ZNF521: variants seen among roughly 807,000 people sequenced by gnomAD.
ZNF521 encodes the protein LYST-interacting protein 3.
A neutral mutation model predicts 105.5 loss-of-function variants in ZNF521; 14 were observed. The ratio of observed to expected loss-of-function variants is 0.13; its 90% CI spans 0.09 to 0.21. The LOEUF is 0.21. ZNF521 is among the 10% of genes least tolerant of loss of function. ZNF521 has a pLI of 1.00. For missense variants in ZNF521, 1,233 were observed against 1,629.7 expected (o/e 0.76, Z 4.19); for synonymous variants, 635 against 606.0 (o/e 1.05, Z -0.70).
chr18:25,338,434 A>G (rs62082272), intron 2 of ZNF521, among the ~76,000 whole-genome samples: 12,553 of 151,850 alleles, frequency 0.083, 655 homozygotes, highest in Middle Eastern at 0.17. Context: ...AAGTTTTGAG[A>G]TGGGGTCTCA....
intron 4 of ZNF521, among the ~76,000 whole-genome samples, chr18:25,218,615 G>A (rs1322995428): frequency 6.7e-6 from 1 of 150,080 alleles, no homozygotes; most frequent in Non-Finnish European, 1.5e-5. Context: ...TCCCACCACT[G>A]TACTCAAGCC....
intron 3 of ZNF521, among the ~76,000 whole-genome samples, chr18:25,233,206 TA>T (rs1382923680): frequency 6.6e-6 from 1 of 152,178 alleles, no homozygotes; most frequent in East Asian, 1.9e-4. Context: ...AGCAATGATT[TA>T]AATTGCTAAA....
chr18:25,121,334 A>C (rs2034439611), intron 5 of ZNF521, among the ~76,000 whole-genome samples: 1 of 146,738 alleles, frequency 6.8e-6, no homozygotes, highest in Admixed American at 6.9e-5. Context: ...AGCTCACTGC[A>C]ACCTCCGCCT....
intron 7 of ZNF521, among the ~76,000 whole-genome samples, chr18:25,075,462 G>A (rs541423505): frequency 1.3e-5 from 2 of 152,302 alleles, no homozygotes; most frequent in South Asian, 4.1e-4. Context: ...TCTGTCACAA[G>A]TCCTGTTGCT....
intron 5 of ZNF521, among the ~76,000 whole-genome samples, 187 bp from the exon 6 acceptor site, chr18:25,092,268 T>C (rs186898625): frequency 2.0e-5 from 3 of 152,376 alleles, no homozygotes; most frequent in African/African-American, 7.2e-5. Flanking sequence ...AGTTCTGGAA[T>C]TTAAAATCCA....
intron 5 of ZNF521, among the ~76,000 whole-genome samples, chr18:25,103,572 C>T (rs987209517): frequency 1.3e-5 from 2 of 152,134 alleles, no homozygotes; most frequent in Non-Finnish European, 2.9e-5. Flanking sequence ...ATATTCCTAA[C>T]CTACTTTTCT....
chr18:25,081,645 G>A (rs2144171170), intron 7 of ZNF521, among the ~76,000 whole-genome samples: 1 of 152,274 alleles, frequency 6.6e-6, no homozygotes, highest in East Asian at 1.9e-4. Flanking sequence ...AATTGAAAAT[G>A]CATTTACTCA....
At chr18:25,276,605 T>C (rs1184862527) in intron 3 of ZNF521, among the ~76,000 whole-genome samples, 1 of 152,154 alleles carries the variant, frequency 6.6e-6, no homozygotes, top group Non-Finnish European at 1.5e-5. Flanking sequence ...CAGTGGAGCA[T>C]AATGCATTAA....
chr18:25,292,140 G>C (rs1911067149), intron 3 of ZNF521, among the ~76,000 whole-genome samples: 1 of 152,116 alleles, frequency 6.6e-6, no homozygotes, highest in Non-Finnish European at 1.5e-5. Flanking sequence ...GCAAGTCTTT[G>C]GTTTGAATAA....
intron 2 of ZNF521, chr18:25,322,444 C>T: frequency 6.2e-6 from 3 of 482,006 alleles, no homozygotes; most frequent in East Asian, 4.1e-5. Context: ...CACTCACCCA[C>T]TCTTAAGACT....
At chr18:25,099,217 C>T (rs1278083260) in intron 5 of ZNF521, among the ~76,000 whole-genome samples, 1 of 152,138 alleles carries the variant, frequency 6.6e-6, no homozygotes, top group Non-Finnish European at 1.5e-5. Flanking sequence ...AACTACTTAG[C>T]AAACCCTATA....
At position 25,349,556 on chromosome 18, in the gene ZNF521, G is replaced by A. The variant is rs149192038; in HGVS notation, c.40+1351C>T. On this transcript the variant is annotated intron_variant, in intron 2 of 7. Transcript: ENST00000361524. ...AAGAAAGAAAGGGCTTTGTGTGTGC[G>A]GTGAGGGCTCCGTTCATCGAGTTCA... is the stretch of plus-strand genomic sequence containing the variant. 1.3e-3 allele frequency among the ~76,000 whole-genome samples: 191 copies of A among 152,296 alleles called. 1 individual carries two copies. The highest frequency in any genetic ancestry group is 4.3e-3 in the African/African-American group (178 of 41,572).
intron 5 of ZNF521, among the ~76,000 whole-genome samples, chr18:25,190,437 G>A (rs2035798755): frequency 6.6e-6 from 1 of 152,156 alleles, no homozygotes; most frequent in Non-Finnish European, 1.5e-5. Context: ...GTCGGTGAAA[G>A]CAAGAGTTTA....
chr18:25,278,035 T>C (rs1910144714), intron 3 of ZNF521, among the ~76,000 whole-genome samples: 1 of 152,112 alleles, frequency 6.6e-6, no homozygotes, highest in Non-Finnish European at 1.5e-5. Context: ...ATAAGGAAAA[T>C]GTACTTCCTT....
intron 3 of ZNF521, among the ~76,000 whole-genome samples, chr18:25,309,969 T>G (rs78225789): frequency 0.022 from 3,321 of 152,322 alleles, 82 homozygotes; most frequent in East Asian, 0.095. Flanking sequence ...GACAATCTTT[T>G]CTATAAAAGT....
In ZNF521 at chr18:25,295,294, T is replaced by C. The variant is rs79595800; in HGVS notation, c.220+26714A>G. On this transcript the variant is annotated intron_variant, in intron 3 of 7. Transcript: ENST00000361524. ...TTGTCATCTTGTTTCTTGGGTCAAT[T>C]CGACATTTGCAGGGGTTGTCTTCTT... Among the ~76,000 whole-genome samples, 2,478 of 152,332 alleles carry C rather than the reference T, an allele frequency of 0.016. 115 individuals carry two copies. The East Asian group carries it at 0.2, about 12-fold the overall frequency.
At chr18:25,238,771 C>T (rs755863616) in intron 3 of ZNF521, among the ~76,000 whole-genome samples, 26 of 152,164 alleles carry the variant, frequency 1.7e-4, no homozygotes, top group Non-Finnish European at 3.2e-4. Flanking sequence ...ATTTCTTAGT[C>T]TAATCCACCA....
intron 5 of ZNF521, among the ~76,000 whole-genome samples, chr18:25,128,075 A>G (rs1205003809): frequency 6.6e-6 from 1 of 152,134 alleles, no homozygotes; most frequent in East Asian, 1.9e-4. Context: ...AATATTCTCA[A>G]TAAAATATTA....
intron 4 of ZNF521, among the ~76,000 whole-genome samples, chr18:25,197,646 A>G (rs986257742): frequency 2.0e-5 from 3 of 151,798 alleles, no homozygotes; most frequent in African/African-American, 7.2e-5. Flanking sequence ...GGCTAAAATT[A>G]TGAGAGAATT....
Sources: gnomAD v4.1 joint callset for allele counts (sites outside exome capture counted in the v4.1 genomes callset) on GRCh38, gnomAD v4.1.1 for gene constraint, MANE v1.5 for transcripts, NCBI Gene and HGNC (gene_info 2026-07-23, HGNC 2026-07-21) for gene names.